Variants in MYO19 observed in about 807,000 individuals in gnomAD.
MYO19 encodes unconventional myosin-XIX.
In MYO19, 132 loss-of-function variants were observed where a neutral mutation model predicts 129.2. That is an observed-to-expected ratio of 1.02 (90% CI 0.89 to 1.18). The LOEUF (loss-of-function observed/expected upper bound fraction) is 1.18. MYO19 is among the 50% of genes most tolerant of loss of function. The probability of loss-of-function intolerance (pLI) is 0.00; values close to 1 mark genes in which losing one functional copy is unlikely to be tolerated. For synonymous variants in MYO19, 531 were observed against 477.2 expected (o/e 1.11, Z -1.47); for missense variants, 1,210 against 1,216.7 (o/e 0.99, Z 0.08).
chr17:36,527,079 T>C (rs925545981), intron 5 of MYO19, among the ~76,000 whole-genome samples: 3 of 151,970 alleles, frequency 2.0e-5, no homozygotes, highest in East Asian at 1.9e-4. Context: ...AGCAGGAGAA[T>C]TGCTTGAACT....
Position 36,505,141 on chromosome 17 carries a change from C to G in MYO19, c.1905+156G>C, listed in dbSNP as rs781171050. The G allele has an allele frequency of 3.0e-5, 24 of 792,680 alleles. No individual in the cohort carries two copies. The Middle Eastern group carries it at 1.8e-3, about 59-fold the overall frequency. 49.1% of individuals were successfully genotyped at this position (792,680 alleles called of 1,614,324 possible). ...CACACAACCATACATGCCTGCCCTG[C>G]CACAGCAAGGGAGATGGGTCCTCTC... On this transcript the variant is annotated intron_variant, in intron 19 of 25. Coordinates refer to ENST00000614623, the MANE Select transcript of MYO19 (RefSeq NM_001163735.2).
intron 23 of MYO19, 92 bp from the exon 24 acceptor site, chr17:36,499,252 A>C (rs2071283184): frequency 7.9e-6 from 7 of 887,200 alleles, no homozygotes; most frequent in Non-Finnish European, 1.2e-5. Context: ...AGTTGCTGTC[A>C]AAGTTTCAAA....
chr17:36,496,684 G>A (rs1478706181), intron 25 of MYO19, among the ~76,000 whole-genome samples: 1 of 152,166 alleles, frequency 6.6e-6, no homozygotes, highest in African/African-American at 2.4e-5. Context: ...AGGCCTGTGT[G>A]TTTTCATGGG....
chr17:36,505,138 C>T lies in MYO19; in HGVS notation c.1905+159G>A, dbSNP rs376915995. On this transcript the variant is annotated intron_variant, in intron 19 of 25. Coordinates refer to ENST00000614623, the MANE Select transcript of MYO19 (RefSeq NM_001163735.2). ...GACCACACAACCATACATGCCTGCC[C>T]TGCCACAGCAAGGGAGATGGGTCCT... is the stretch of plus-strand genomic sequence containing the variant. 1.0e-4 allele frequency: 80 copies of T among 788,786 alleles called. No individual in the cohort carries two copies. The African/African-American group carries it at 1.2e-3, about 12-fold the overall frequency. 48.9% of individuals were successfully genotyped at this position (788,786 alleles called of 1,614,324 possible). A position where few individuals can be genotyped will look rare whatever the true frequency, so the allele number is the denominator to read the frequency against.
At chr17:36,516,831 T>C (rs1251971315) in intron 6 of MYO19, among the ~76,000 whole-genome samples, 1 of 152,262 alleles carries the variant, frequency 6.6e-6, no homozygotes, top group Non-Finnish European at 1.5e-5. Flanking sequence ...AACTTTTTAG[T>C]TGCAGTAAGG....
intron 3 of MYO19, among the ~76,000 whole-genome samples, chr17:36,531,127 G>A (rs917239574): frequency 3.3e-5 from 5 of 151,886 alleles, no homozygotes; most frequent in Non-Finnish European, 5.9e-5. Context: ...GGGCGCGGTG[G>A]CTCACGCCTG....
rs542034683 is a variant in MYO19, at chr17:36,506,495, C to T, written c.1758G>A (p.Gln586=). 157 of 1,613,216 alleles carry T rather than the reference C, an allele frequency of 9.7e-5. 1 individual carries two copies. The South Asian group carries it at 1.7e-3, about 17-fold the overall frequency. Residue 586 remains glutamine (Q), a synonymous_variant, in exon 18 of 26, where the codon CAG becomes CAA. Coordinates refer to ENST00000614623, the MANE Select transcript of MYO19 (RefSeq NM_001163735.2). Reference sequence around the variant, plus strand: ...CCACGGTCAACACAGGGGCCCTGCTCTGGCCAGGGGGTTCCTCCTGGGTCT... The same window carrying T: ...CCACGGTCAACACAGGGGCCCTGCTTTGGCCAGGGGGTTCCTCCTGGGTCT... ...KEKTQEEPPG[Q]SRAPVLTVVS... is the part of the protein sequence containing the mutation.
upstream of MYO19, among the ~76,000 whole-genome samples, chr17:36,536,468 C>T (rs1259049608): frequency 6.6e-6 from 1 of 152,038 alleles, no homozygotes; most frequent in Admixed American, 6.6e-5. Flanking sequence ...GCCTATGATG[C>T]CATTCTCAGA....
At position 36,511,373 on chromosome 17, in the gene MYO19, T is replaced by A. The variant is rs376233199; in HGVS notation, c.977A>T (p.Asp326Val). 2 of 1,576,052 alleles carry A rather than the reference T, an allele frequency of 1.3e-6. No homozygotes were observed. The highest frequency in any genetic ancestry group is 1.4e-5 in the African/African-American group (1 of 73,950). Reference sequence around the variant, plus strand: ...TACACCCTGACCCTCACACTTGGCATCATCCATCGGCTGGCAGGGCTGGGC... The same window carrying A: ...TACACCCTGACCCTCACACTTGGCAACATCCATCGGCTGGCAGGGCTGGGC... ...DEAQPCQPMDDAKYSVRTAAS... is the reference protein window; with the variant it reads ...DEAQPCQPMDVAKYSVRTAAS... Residue 326 changes from aspartate to valine, a missense_variant, in exon 12 of 26, where the codon GAT (aspartate) becomes GTT (valine). By Grantham distance (152) the Asp-to-Val change is radical (BLOSUM62 -3). Transcript: ENST00000614623.
At chr17:36,528,269 G>GATTAT in intron 3 of MYO19, 67 bp from the exon 4 acceptor site, 1 of 1,504,096 alleles carries the variant, frequency 6.6e-7, no homozygotes, top group Non-Finnish European at 9.0e-7. Context: ...AGCACTCTGG[G>GATTAT]AGGCCAAGGC....
At chr17:36,504,448 C>A (rs1324729717) in intron 19 of MYO19, 2 of 163,460 alleles carry the variant, frequency 1.2e-5, no homozygotes, top group Non-Finnish European at 2.7e-5. Flanking sequence ...GACCTGAACC[C>A]AGGTCTTTAC....
intron 23 of MYO19, chr17:36,499,865 T>TG (rs1652737048): frequency 6.7e-6 from 1 of 149,406 alleles, no homozygotes. Context: ...TTTTGTTGTT[T>TG]TTTTTTTTTT....
At chr17:36,519,687 T>C (rs953713021) in intron 6 of MYO19, among the ~76,000 whole-genome samples, 1 of 152,078 alleles carries the variant, frequency 6.6e-6, no homozygotes, top group African/African-American at 2.4e-5. Flanking sequence ...ACTTACCCCT[T>C]TGTGTAGATC....
At chr17:36,533,726 G>C (rs1222792085) in intron 2 of MYO19, 1 of 152,304 alleles carries the variant, frequency 6.6e-6, no homozygotes, top group Non-Finnish European at 1.5e-5. Context: ...CCCATCCAAG[G>C]GACAGCCATG....
At chr17:36,528,808 C>T (rs137982847) in intron 3 of MYO19, among the ~76,000 whole-genome samples, 3 of 152,314 alleles carry the variant, frequency 2.0e-5, no homozygotes, top group East Asian at 3.9e-4. Context: ...AGCATGTACT[C>T]AACAAATGCT....
In MYO19 at chr17:36,515,913, A is replaced by T. The variant is rs767019910; in HGVS notation, c.492T>A (p.Ile164=). 1 of 1,613,916 alleles carries T rather than the reference A, an allele frequency of 6.2e-7. No individual in the cohort carries two copies. Among genetic ancestry groups the T allele is most frequent in the Non-Finnish European group, 8.5e-7 (1 of 1,179,834 alleles). Residue 164 remains isoleucine (I), a synonymous_variant, in exon 7 of 26, where the codon ATT becomes ATA. Coordinates refer to ENST00000614623, the MANE Select transcript of MYO19 (RefSeq NM_001163735.2). ...TSPASWESHK[I]AERIEQRILN... Reference sequence around the variant, plus strand: ...GGATCCTCTGTTCTATCCTCTCTGCAATCTTGTGGCTCTCCCAAGATGCAG... The same window carrying T: ...GGATCCTCTGTTCTATCCTCTCTGCTATCTTGTGGCTCTCCCAAGATGCAG...
At chr17:36,537,547 TC>T (rs760624113), upstream of MYO19, 1 of 1,614,218 alleles carries the variant, frequency 6.2e-7, no homozygotes, top group South Asian at 1.1e-5. Flanking sequence ...GCTGTGGACT[TC>T]CCACTTTTTC....
upstream of MYO19, chr17:36,538,760 AT>A (rs886974752): frequency 0.053 from 28,455 of 540,014 alleles, no homozygotes; most frequent in South Asian, 0.084. Context: ...ATGCTTAATT[AT>A]TTTTTTTTTT....
Position 36,495,888 on chromosome 17 carries a change from T to C in MYO19, c.*363A>G, listed in dbSNP as rs2070924676. On this transcript the variant is annotated 3_prime_UTR_variant, in exon 26 of 26. Coordinates refer to ENST00000614623, the MANE Select transcript of MYO19 (RefSeq NM_001163735.2). ...CCAGCCCAAATTCCAGCGCCAATTT[T>C]AGGCCAACTTTGGCTGTTTTCTTCC... 1 of 1,233,104 alleles carries C rather than the reference T, an allele frequency of 8.1e-7. No homozygotes were observed. Among genetic ancestry groups the C allele is most frequent in the African/African-American group, 1.6e-5 (1 of 64,402 alleles). The allele number at this position is 1,233,104 out of a possible 1,614,324, so 76.4% of individuals were successfully genotyped here.
Sources: gnomAD v4.1 joint callset for allele counts (sites outside exome capture counted in the v4.1 genomes callset) on GRCh38, gnomAD v4.1.1 for gene constraint, MANE v1.5 for transcripts, NCBI Gene and HGNC (gene_info 2026-07-23, HGNC 2026-07-21) for gene names.